The following PTPRN2 variants were observed in gnomAD, a reference collection of about 807,000 sequenced individuals.
PTPRN2 encodes the protein receptor-type tyrosine-protein phosphatase N2.
A neutral mutation model predicts 118.8 loss-of-function variants in PTPRN2; 74 were observed. That is an observed-to-expected ratio of 0.62 (90% CI 0.52 to 0.76). The LOEUF is 0.76. Ranked by LOEUF, PTPRN2 falls within the 30% of genes least tolerant of loss-of-function variation. The pLI is 0.00. For synonymous variants in PTPRN2, 641 were observed against 608.0 expected, an observed-to-expected ratio of 1.05 and a Z score of -0.80; for missense variants, 1,481 against 1,394.4, an observed-to-expected ratio of 1.06 and a Z score of -0.99.
chr7:158,449,998 C>G (rs1202401604), intron 2 of PTPRN2, among the ~76,000 whole-genome samples: 1 of 152,248 alleles, frequency 6.6e-6, no homozygotes, highest in Non-Finnish European at 1.5e-5. Flanking sequence ...GAAACGTCCT[C>G]ATGGTCTGGA....
intron 10 of PTPRN2, among the ~76,000 whole-genome samples, chr7:158,086,776 G>A (rs1035407150): frequency 6.6e-6 from 1 of 152,236 alleles, no homozygotes; most frequent in Non-Finnish European, 1.5e-5. Context: ...TTTGGCATAA[G>A]CATTGATTTG....
chr7:158,094,263 G>A (rs779423864), intron 10 of PTPRN2, among the ~76,000 whole-genome samples: 6 of 152,214 alleles, frequency 3.9e-5, no homozygotes, highest in East Asian at 1.9e-4. Context: ...CAGAACGCTC[G>A]CCATTCCCGA....
chr7:158,408,469 G>A (rs1230797445), intron 2 of PTPRN2, among the ~76,000 whole-genome samples: 1 of 152,170 alleles, frequency 6.6e-6, no homozygotes, highest in Non-Finnish European at 1.5e-5. Flanking sequence ...GTATCAGCCC[G>A]GAGGTGGGTC....
At chr7:157,754,882 A>G (rs1801689329) in intron 12 of PTPRN2, among the ~76,000 whole-genome samples, 3 of 151,942 alleles carry the variant, frequency 2.0e-5, no homozygotes, top group Non-Finnish European at 4.4e-5. Flanking sequence ...TTAGATTATA[A>G]TGCTTTTGTT....
rs1416466730 is a variant in PTPRN2, at chr7:158,089,792, T to G, written c.1644-8415A>C. On this transcript the variant is annotated intron_variant, in intron 10 of 22. Transcript: ENST00000389418. ...AAAAGGGGAATGTTCACACAAATCC[T>G]TCTTCCCCTGACGAAAGAGGGAGTC... 1.6e-3 allele frequency among the ~76,000 whole-genome samples: 191 copies of G among 122,814 alleles called. 6 individuals carry two copies. The highest frequency in any genetic ancestry group is 6.0e-3 in the African/African-American group (186 of 31,242). 80.6% of individuals were successfully genotyped at this position (122,814 alleles called of 152,430 possible). A position where few individuals can be genotyped will look rare whatever the true frequency, so the allele number is the denominator to read the frequency against.
intron 11 of PTPRN2, among the ~76,000 whole-genome samples, chr7:157,909,643 G>A (rs1200255298): frequency 2.0e-5 from 3 of 152,210 alleles, no homozygotes; most frequent in Non-Finnish European, 4.4e-5. Context: ...ACCCTCAAAT[G>A]CCTGCCTGCA....
intron 2 of PTPRN2, among the ~76,000 whole-genome samples, chr7:158,384,324 A>G (rs1473189835): frequency 6.6e-6 from 1 of 152,180 alleles, no homozygotes; most frequent in African/African-American, 2.4e-5. Flanking sequence ...ATCTCTCAGG[A>G]GCACAACACA....
chr7:157,590,855 G>A lies in PTPRN2; in HGVS notation c.2496+4383C>T, dbSNP rs1180979803. On this transcript the variant is annotated intron_variant, in intron 17 of 22. Transcript: ENST00000389418. The surrounding 1 kb of genome is among the most constrained non-coding windows in gnomAD (Gnocchi z 4.0). Reference sequence around the variant, plus strand: ...GGCTCCTCTGCCTCCCAGCAGCCCAGTGACCTCCAAACGGACTCCTGACCC... The same window carrying A: ...GGCTCCTCTGCCTCCCAGCAGCCCAATGACCTCCAAACGGACTCCTGACCC... Among the ~76,000 whole-genome samples the A allele has an allele frequency of 1.3e-5, 2 of 152,184 alleles. No individual in the cohort carries two copies. The highest frequency in any genetic ancestry group is 2.9e-5 in the Non-Finnish European group (2 of 68,040).
intron 12 of PTPRN2, among the ~76,000 whole-genome samples, chr7:157,705,588 G>T (rs769139940): frequency 6.6e-6 from 1 of 151,920 alleles, no homozygotes; most frequent in Non-Finnish European, 1.5e-5. Context: ...GGATCAATGC[G>T]GATCACATCC....
intron 2 of PTPRN2, among the ~76,000 whole-genome samples, chr7:158,364,965 CCCA>C (rs1163967627): frequency 4.8e-5 from 5 of 105,166 alleles, no homozygotes; most frequent in African/African-American, 8.1e-5. Context: ...TGCGTGTGCA[CCCA>C]CAACACACAC....
intron 2 of PTPRN2, among the ~76,000 whole-genome samples, chr7:158,408,256 A>G (rs545104199): frequency 2.6e-5 from 4 of 152,374 alleles, no homozygotes; most frequent in Admixed American, 6.5e-5. Flanking sequence ...AGCATTAAAC[A>G]TTAATAAAAT....
intron 12 of PTPRN2, among the ~76,000 whole-genome samples, chr7:157,758,614 G>C (rs552427733): frequency 3.4e-4 from 52 of 152,348 alleles, no homozygotes; most frequent in Non-Finnish European, 1.5e-5. Flanking sequence ...CCGGGTGGGC[G>C]GACGCAGGGG....
intron 9 of PTPRN2, among the ~76,000 whole-genome samples, chr7:158,122,742 A>G (rs1817273403): frequency 6.6e-6 from 1 of 152,064 alleles, no homozygotes; most frequent in Non-Finnish European, 1.5e-5. Flanking sequence ...CTACTAGGAA[A>G]CTCCCAGGAG....
intron 11 of PTPRN2, among the ~76,000 whole-genome samples, chr7:157,981,270 A>G (rs1803119726): frequency 6.6e-6 from 1 of 152,150 alleles, no homozygotes; most frequent in South Asian, 2.1e-4. Context: ...TGTGTGGACG[A>G]GACATGGAGA....
chr7:157,668,100 G>A (rs1202849574), intron 13 of PTPRN2, among the ~76,000 whole-genome samples: 2 of 152,272 alleles, frequency 1.3e-5, no homozygotes, highest in African/African-American at 2.4e-5. Flanking sequence ...CTCGCTCGCC[G>A]TAGAGCCGCC....
In PTPRN2 at chr7:158,513,178, T is replaced by C. The variant is rs541497575; in HGVS notation, c.113-23393A>G. Among the ~76,000 whole-genome samples the C allele has an allele frequency of 5.6e-4, 86 of 152,302 alleles. 1 individual carries two copies. The South Asian group carries it at 5.8e-3, about 10-fold the overall frequency. ...ACCATGATGGCGCACACTGAGTGTG[T>C]GGCTTTGATCTGATGTGATGAGAAG... is the stretch of plus-strand genomic sequence containing the variant. On this transcript the variant is annotated intron_variant, in intron 1 of 22. Coordinates refer to ENST00000389418, the MANE Select transcript of PTPRN2 (RefSeq NM_002847.5).
At chr7:158,135,589 T>G (rs1230672859) in intron 8 of PTPRN2, among the ~76,000 whole-genome samples, 1 of 152,158 alleles carries the variant, frequency 6.6e-6, no homozygotes, top group East Asian at 1.9e-4. Context: ...GCCTGTGGTC[T>G]AAAAGTCAGG....
intron 6 of PTPRN2, among the ~76,000 whole-genome samples, chr7:158,144,823 G>A (rs1480673812): frequency 6.6e-6 from 1 of 152,196 alleles, no homozygotes; most frequent in Non-Finnish European, 1.5e-5. Context: ...AGACAGGTGT[G>A]TCGACCCACC....
chr7:158,127,136 GCA>G (rs1316608043), intron 9 of PTPRN2, among the ~76,000 whole-genome samples: 1 of 152,114 alleles, frequency 6.6e-6, no homozygotes, highest in Non-Finnish European at 1.5e-5. Flanking sequence ...GCCACTTTTT[GCA>G]CATTCTTCCC....
Sources: allele counts gnomAD v4.1 joint callset (sites outside exome capture counted in the v4.1 genomes callset), GRCh38; gene constraint gnomAD v4.1.1; non-coding constraint Gnocchi (gnomAD v3.1); transcripts MANE v1.5; gene names NCBI Gene and HGNC (gene_info 2026-07-23, HGNC 2026-07-21).